Variants in KCNN2 observed in about 807,000 individuals in gnomAD.
KCNN2 encodes potassium calcium-activated channel subfamily N member 2, also known as small conductance calcium-activated potassium channel protein 2.
In KCNN2, 24 loss-of-function variants were observed where a neutral mutation model predicts 55.5. That is an observed-to-expected ratio of 0.43 (90% CI 0.31 to 0.61). The LOEUF is 0.61. KCNN2 is among the 20% of genes least tolerant of loss of function. The pLI is 0.08. For synonymous variants in KCNN2, 431 were observed against 336.1 expected (o/e 1.28, Z -3.09); for missense variants, 754 against 853.6 (o/e 0.88, Z 1.45).
At chr5:114,426,057 C>T (rs1387104845) in intron 3 of KCNN2, among the ~76,000 whole-genome samples, 1 of 151,912 alleles carries the variant, frequency 6.6e-6, no homozygotes, top group Non-Finnish European at 1.5e-5. Flanking sequence ...TGGCACATAC[C>T]TGTAGTCCCA....
intron 3 of KCNN2, among the ~76,000 whole-genome samples, chr5:114,409,832 T>C (rs13190428): frequency 0.25 from 37,910 of 152,092 alleles, 4,960 homozygotes; most frequent in Non-Finnish European, 0.29. Flanking sequence ...GCATATCATG[T>C]GCCTCTGAAA....
chr5:114,102,348 A>G (rs1166729060), intron 1 of KCNN2, among the ~76,000 whole-genome samples: 2 of 151,724 alleles, frequency 1.3e-5, no homozygotes, highest in African/African-American at 4.8e-5. Flanking sequence ...CCTTTGTCAG[A>G]TGGATAGATT....
At chr5:114,363,553 C>T (rs996846760) in intron 1 of KCNN2, among the ~76,000 whole-genome samples, 1 of 152,178 alleles carries the variant, frequency 6.6e-6, no homozygotes, top group Non-Finnish European at 1.5e-5. Context: ...TGTAATTCAT[C>T]CCCTCGTGAA....
chr5:114,432,786 A>G (rs932952004), intron 3 of KCNN2, among the ~76,000 whole-genome samples: 2 of 152,190 alleles, frequency 1.3e-5, no homozygotes, highest in Non-Finnish European at 2.9e-5. Flanking sequence ...GCAGCCGGCC[A>G]GCCCTGCCGG....
At chr5:114,454,893 C>T (rs1050757969) in intron 3 of KCNN2, among the ~76,000 whole-genome samples, 7 of 152,186 alleles carry the variant, frequency 4.6e-5, no homozygotes, top group Admixed American at 3.3e-4. Context: ...TTTGTGCCTT[C>T]GAATTGGGGG....
At chr5:114,250,466 C>T (rs1754836590) in intron 2 of KCNN2, among the ~76,000 whole-genome samples, 1 of 152,020 alleles carries the variant, frequency 6.6e-6, no homozygotes, top group South Asian at 2.1e-4. Flanking sequence ...TTCTCTGAGA[C>T]CAGAGGTTTA....
intron 2 of KCNN2, among the ~76,000 whole-genome samples, chr5:114,297,529 C>G (rs1028316928): frequency 1.3e-5 from 2 of 152,070 alleles, no homozygotes; most frequent in African/African-American, 4.8e-5. Context: ...GGTACATCAT[C>G]TTTGAAAAGT....
At chr5:114,492,362 A>ATGACT (rs1747900219) in intron 6 of KCNN2, among the ~76,000 whole-genome samples, 1 of 152,180 alleles carries the variant, frequency 6.6e-6, no homozygotes. Flanking sequence ...ACTTTGTAAA[A>ATGACT]TGACTTGTCA....
intron 1 of KCNN2, among the ~76,000 whole-genome samples, chr5:114,198,249 G>A (rs1753598423): frequency 6.6e-6 from 1 of 150,594 alleles, no homozygotes; most frequent in Non-Finnish European, 1.5e-5. Flanking sequence ...AATATTTATG[G>A]CTGAGTAGTA....
At chr5:114,281,013 C>T (rs1376970958) in intron 2 of KCNN2, among the ~76,000 whole-genome samples, 1 of 152,118 alleles carries the variant, frequency 6.6e-6, no homozygotes, top group Admixed American at 6.5e-5. Context: ...ATACCCTACA[C>T]CCCATATAGT....
At chr5:114,102,791 TC>T (rs1751399036) in intron 1 of KCNN2, among the ~76,000 whole-genome samples, 1 of 152,204 alleles carries the variant, frequency 6.6e-6, no homozygotes, top group Admixed American at 6.5e-5. Context: ...GTTCCATTGC[TC>T]TATATATCTG....
At chr5:114,314,748 A>G (rs656942) in intron 2 of KCNN2, among the ~76,000 whole-genome samples, 65,928 of 151,902 alleles carry the variant, frequency 0.43, 15,117 homozygotes, top group Non-Finnish European at 0.5. Flanking sequence ...AGTTGTTTAG[A>G]GATAACCCAG....
intron 1 of KCNN2, among the ~76,000 whole-genome samples, chr5:114,122,243 C>T (rs1279756328): frequency 6.6e-6 from 1 of 152,094 alleles, no homozygotes; most frequent in Non-Finnish European, 1.5e-5. Flanking sequence ...GTTTGAAGAG[C>T]CATGGCATTG....
At position 114,153,928 on chromosome 5, in the gene KCNN2, C is replaced by T. The variant is rs1010941008; in HGVS notation, c.-270-67552C>T. The stretch of plus-strand genomic sequence containing the variant: ...CTCAATTGAAGGTCACTGTTTCTCT[C>T]AAGGTGATTTTCTAGACAACCCTCT... On this transcript the variant is annotated intron_variant, in intron 1 of 10. Coordinates refer to the KCNN2 transcript ENST00000512097. Among the ~76,000 whole-genome samples the T allele has an allele frequency of 2.6e-5, 4 of 152,110 alleles. No individual in the cohort carries two copies. In the South Asian group the frequency reaches 8.3e-4, roughly 32 times the overall value.
At chr5:114,255,262 GTAGAGC>G (rs1266783410) in intron 2 of KCNN2, among the ~76,000 whole-genome samples, 1 of 152,154 alleles carries the variant, frequency 6.6e-6, no homozygotes, top group Non-Finnish European at 1.5e-5. Flanking sequence ...TAGTGTTGTA[GTAGAGC>G]TATATGTAAG....
intron 1 of KCNN2, among the ~76,000 whole-genome samples, chr5:114,169,059 C>T (rs751067394): frequency 5.1e-4 from 77 of 152,218 alleles, no homozygotes; most frequent in Non-Finnish European, 7.1e-4. Context: ...TTTACTCTCT[C>T]TCCTTCTCTG....
At chr5:114,245,671 T>C (rs1484332492) in intron 2 of KCNN2, among the ~76,000 whole-genome samples, 1 of 138,116 alleles carries the variant, frequency 7.2e-6, no homozygotes, top group Non-Finnish European at 1.6e-5. Context: ...ATTCCAATAT[T>C]CTTTGTCAAA....
intron 1 of KCNN2, among the ~76,000 whole-genome samples, chr5:114,177,988 T>A (rs1753169447): frequency 1.3e-5 from 2 of 152,228 alleles, no homozygotes; most frequent in Admixed American, 1.3e-4. Context: ...GAGTGCCTTG[T>A]AATTTTATCA....
chr5:114,339,351 T>C (rs1008582258), intron 2 of KCNN2, among the ~76,000 whole-genome samples: 1 of 152,194 alleles, frequency 6.6e-6, no homozygotes, highest in Non-Finnish European at 1.5e-5. Context: ...TTCTCATGGT[T>C]CTGGCCAGAA....
Sources: gnomAD v4.1 joint callset for allele counts (sites outside exome capture counted in the v4.1 genomes callset) on GRCh38, gnomAD v4.1.1 for gene constraint, MANE v1.5 for transcripts, NCBI Gene and HGNC (gene_info 2026-07-23, HGNC 2026-07-21) for gene names.